LHFPL3: variants seen among roughly 807,000 people sequenced by gnomAD.
LHFPL3 encodes the protein LHFPL tetraspan subfamily member 3, also known as LHFPL tetraspan subfamily member 3 protein.
Under a neutral mutation model 19.3 loss-of-function variants are expected in LHFPL3, and 5 were observed. The ratio of observed to expected loss-of-function variants is 0.26; its 90% CI spans 0.14 to 0.54. The LOEUF is 0.54. Ranked by LOEUF, LHFPL3 falls within the 20% of genes least tolerant of loss-of-function variation. The pLI is 0.94. For synonymous variants in LHFPL3, 133 were observed against 126.2 expected (o/e 1.05, Z -0.36); for missense variants, 249 against 307.4 (o/e 0.81, Z 1.42).
intron 1 of LHFPL3, among the ~76,000 whole-genome samples, chr7:104,398,904 T>A (rs772488821): frequency 1.6e-4 from 25 of 152,172 alleles, no homozygotes; most frequent in Non-Finnish European, 2.9e-4. Context: ...ACTCCTATCA[T>A]GCTGTTTTGC....
chr7:104,592,392 C>T (rs1790743517), intron 1 of LHFPL3, among the ~76,000 whole-genome samples: 2 of 145,134 alleles, frequency 1.4e-5, no homozygotes, highest in Non-Finnish European at 3.0e-5. Flanking sequence ...ACGTCCACTC[C>T]AGACCCTGTT....
At chr7:104,667,646 C>A in intron 1 of LHFPL3, 1 of 847,452 alleles carries the variant, frequency 1.2e-6, no homozygotes, top group Non-Finnish European at 1.8e-6. Context: ...CTTGAAACAG[C>A]CAAGGGTAAA....
intron 1 of LHFPL3, among the ~76,000 whole-genome samples, chr7:104,661,170 A>C (rs1237956285): frequency 6.6e-6 from 1 of 152,184 alleles, no homozygotes; most frequent in Non-Finnish European, 1.5e-5. Flanking sequence ...GATGATGTCA[A>C]AGAAACTCAG....
rs564835530 is a variant in LHFPL3, at chr7:104,865,685, G to T, written c.683-40502G>T. Among the ~76,000 whole-genome samples the T allele has an allele frequency of 7.9e-5, 12 of 152,262 alleles. No homozygotes were observed. The East Asian group carries it at 2.3e-3, about 29-fold the overall frequency. ...TATCCAGGAGAATTTCCCCAATTTA[G>T]CAAGGCAGGCCAACATTAAAATTCA... is the stretch of plus-strand genomic sequence containing the variant. On this transcript the variant is annotated intron_variant, in intron 2 of 2. Coordinates refer to ENST00000424859, the MANE Select transcript of LHFPL3 (RefSeq NM_199000.3).
intron 1 of LHFPL3, among the ~76,000 whole-genome samples, chr7:104,482,497 C>T (rs1200469665): frequency 1.3e-5 from 2 of 152,220 alleles, no homozygotes; most frequent in African/African-American, 2.4e-5. Flanking sequence ...GTGTAGTTAG[C>T]AAGGCTCTTC....
chr7:104,440,665 C>T (rs963561002), intron 1 of LHFPL3, among the ~76,000 whole-genome samples: 1 of 152,016 alleles, frequency 6.6e-6, no homozygotes, highest in Non-Finnish European at 1.5e-5. Flanking sequence ...GAAATTGCTA[C>T]TCAAACAGCA....
chr7:104,512,137 T>C (rs2115773432), intron 1 of LHFPL3, among the ~76,000 whole-genome samples: 1 of 151,952 alleles, frequency 6.6e-6, no homozygotes, highest in East Asian at 2.0e-4. Flanking sequence ...GTATTTTTAC[T>C]AGAGACAGGG....
rs940592562 is a variant in LHFPL3 at position 104,829,430 on chromosome 7, T to A, written c.683-76757T>A. Among the ~76,000 whole-genome samples, 3 of 151,752 alleles carry A rather than the reference T, an allele frequency of 2.0e-5. No homozygotes were observed. The South Asian group carries it at 6.2e-4, about 31-fold the overall frequency. ...GTGCCATGTTGGTGTGCTGCACCCA[T>A]TAACTTGTCATTTAGCATTAGGTAT... On this transcript the variant is annotated intron_variant, in intron 2 of 2. Coordinates refer to ENST00000424859, the MANE Select transcript of LHFPL3 (RefSeq NM_199000.3).
chr7:104,362,230 G>A (rs1790400448), intron 1 of LHFPL3, among the ~76,000 whole-genome samples: 1 of 152,188 alleles, frequency 6.6e-6, no homozygotes, highest in Non-Finnish European at 1.5e-5. Flanking sequence ...TCAGCCAAAG[G>A]TGTATTATTG....
intron 1 of LHFPL3, among the ~76,000 whole-genome samples, chr7:104,381,418 A>T (rs1279016074): frequency 6.6e-6 from 1 of 152,146 alleles, no homozygotes; most frequent in Non-Finnish European, 1.5e-5. Flanking sequence ...ATCCAAAACT[A>T]TTATCTCTTT....
chr7:104,579,363 C>A (rs561748265), intron 1 of LHFPL3, among the ~76,000 whole-genome samples: 1 of 152,134 alleles, frequency 6.6e-6, no homozygotes, highest in East Asian at 1.9e-4. Flanking sequence ...ATCTTTATGT[C>A]CAGGGGCACC....
intron 2 of LHFPL3, among the ~76,000 whole-genome samples, chr7:104,879,283 G>A (rs564538913): frequency 6.6e-6 from 1 of 152,144 alleles, no homozygotes; most frequent in Non-Finnish European, 1.5e-5. Context: ...GGGCATGGTG[G>A]CACATACCTG....
intron 1 of LHFPL3, among the ~76,000 whole-genome samples, chr7:104,664,024 T>C (rs1405108723): frequency 6.6e-6 from 1 of 152,256 alleles, no homozygotes; most frequent in Non-Finnish European, 1.5e-5. Flanking sequence ...TTTGTTTGAC[T>C]TGCTATTTAT....
intron 1 of LHFPL3, among the ~76,000 whole-genome samples, chr7:104,723,236 C>T (rs1247053326): frequency 6.6e-6 from 1 of 152,176 alleles, no homozygotes; most frequent in Non-Finnish European, 1.5e-5. Flanking sequence ...AGCCTCTACA[C>T]AGAGATTCCT....
chr7:104,908,254 G>C lies in LHFPL3; in HGVS notation c.*2039G>C, dbSNP rs1792656591. Among the ~76,000 whole-genome samples, 1 of 152,124 alleles carries C rather than the reference G, an allele frequency of 6.6e-6. No individual in the cohort carries two copies. Among genetic ancestry groups the C allele is most frequent in the African/African-American group, 2.4e-5 (1 of 41,440 alleles). On this transcript the variant is annotated 3_prime_UTR_variant, in exon 3 of 3. Transcript: ENST00000424859. ...ATGTGAATGTTTTAAAAAAGTTTTT[G>C]CCATAAAACCTAAGTGTAATTTAGC...
chr7:104,693,159 A>G (rs1231312494), intron 1 of LHFPL3, among the ~76,000 whole-genome samples: 4 of 151,944 alleles, frequency 2.6e-5, no homozygotes, highest in Non-Finnish European at 4.4e-5. Context: ...GTTTTGGCCA[A>G]TTTCTCTCAT....
intron 1 of LHFPL3, among the ~76,000 whole-genome samples, chr7:104,413,378 A>G (rs1346442089): frequency 6.6e-6 from 1 of 152,066 alleles, no homozygotes; most frequent in Non-Finnish European, 1.5e-5. Flanking sequence ...CTGAATCTTC[A>G]CCATCCATCT....
At chr7:104,484,821 TCAG>T (rs1298408309) in intron 1 of LHFPL3, among the ~76,000 whole-genome samples, 2 of 152,126 alleles carry the variant, frequency 1.3e-5, no homozygotes, top group Non-Finnish European at 2.9e-5. Flanking sequence ...CATCCTTTTA[TCAG>T]GAACACACTC....
intron 1 of LHFPL3, among the ~76,000 whole-genome samples, chr7:104,562,002 C>A (rs370466884): frequency 2.0e-5 from 3 of 152,140 alleles, no homozygotes; most frequent in Admixed American, 6.5e-5. Flanking sequence ...AGAATGTTGA[C>A]TATTGGCCCC....
Sources: allele counts gnomAD v4.1 joint callset (sites outside exome capture counted in the v4.1 genomes callset), GRCh38; gene constraint gnomAD v4.1.1; transcripts MANE v1.5; gene names NCBI Gene and HGNC (gene_info 2026-07-23, HGNC 2026-07-21).